ZNF786: variants seen among roughly 807,000 people sequenced by gnomAD.
The protein encoded by ZNF786 is zinc finger protein 786.
Under a neutral mutation model 63.1 loss-of-function variants are expected in ZNF786, and 56 were observed. The observed-to-expected ratio is 0.89, with a 90% confidence interval of 0.72 to 1.11. The LOEUF (loss-of-function observed/expected upper bound fraction) is 1.11, where lower values mean the gene tolerates loss of function less well. Among genes scored for constraint, ZNF786 ranks in the 50% least tolerant of loss-of-function variants. ZNF786 has a pLI of 0.00. For missense variants in ZNF786, 1,213 were observed against 1,041.8 expected, an observed-to-expected ratio of 1.16 and a Z score of -2.26; for synonymous variants, 485 against 406.9, an observed-to-expected ratio of 1.19 and a Z score of -2.31.
In ZNF786 at chr7:149,071,971, G is replaced by C. The variant is rs753840443; in HGVS notation, c.801C>G (p.Pro267=). The C allele has an allele frequency of 6.2e-7, 1 of 1,612,418 alleles. No individual in the cohort carries two copies. The highest frequency in any genetic ancestry group is 8.5e-7 in the Non-Finnish European group (1 of 1,179,804). ...ACATTTCACCGTCAGCGTTCCGGAA[G>C]GGGCCCCTCCCCGTGTGGGCCGCCA... ...RHLAAHTGRG[P]FRNADGEMCF... is the part of the protein sequence containing the mutation. Residue 267 remains proline, a synonymous_variant, in exon 4 of 4, where the codon CCC becomes CCG. Transcript: ENST00000491431.
chr7:149,084,849 A>T (rs1222960202), intron 1 of ZNF786, among the ~76,000 whole-genome samples: 1 of 152,180 alleles, frequency 6.6e-6, no homozygotes, highest in Non-Finnish European at 1.5e-5. Flanking sequence ...TGGAGTCTTC[A>T]TCACGAAATC....
chr7:149,080,861 C>A (rs1302603180), intron 1 of ZNF786, 144 bp from the exon 2 acceptor site: 2 of 909,562 alleles, frequency 2.2e-6, no homozygotes, highest in African/African-American at 3.3e-5. Flanking sequence ...CTACTCCTTC[C>A]TCTACTCCAA....
At chr7:149,087,561 CT>C (rs1825758293) in intron 1 of ZNF786, among the ~76,000 whole-genome samples, 1 of 152,268 alleles carries the variant, frequency 6.6e-6, no homozygotes, top group East Asian at 1.9e-4. Context: ...GGGTGAGAAA[CT>C]TTGTACTATG....
At position 149,090,714 on chromosome 7, in the gene ZNF786, G is replaced by A. The variant is rs973641754; in HGVS notation, c.-74C>T. On this transcript the variant is annotated 5_prime_UTR_variant, in exon 1 of 4. Transcript: ENST00000491431. ...GCTCCGCAGGAACCTGCCCTGCTGCGCACTGACTCCCCTCCGCTCCGCCCC... is the reference window on the plus strand; with the variant it reads ...GCTCCGCAGGAACCTGCCCTGCTGCACACTGACTCCCCTCCGCTCCGCCCC... 7.4e-6 allele frequency: 11 copies of A among 1,487,232 alleles called. No homozygotes were observed. The highest frequency in any genetic ancestry group is 2.7e-5 in the East Asian group (1 of 37,458). 92.1% of individuals were successfully genotyped at this position (1,487,232 alleles called of 1,614,324 possible). A position where few individuals can be genotyped will look rare whatever the true frequency, so the allele number is the denominator to read the frequency against.
At chr7:149,080,550 T>A (rs779369827) in intron 2 of ZNF786, 41 bp downstream of exon 2, 1 of 1,518,566 alleles carries the variant, frequency 6.6e-7, no homozygotes, top group Non-Finnish European at 8.8e-7. Flanking sequence ...CCTTACAGGA[T>A]CCAGTTCCAT....
At chr7:149,082,752 T>C (rs1433046074) in intron 1 of ZNF786, among the ~76,000 whole-genome samples, 1 of 151,536 alleles carries the variant, frequency 6.6e-6, no homozygotes, top group Non-Finnish European at 1.5e-5. Context: ...GGCTAATTTT[T>C]TTGCATTTTT....
chr7:149,071,877 T>G lies in ZNF786; in HGVS notation c.895A>C (p.Thr299Pro). ...GGGAGGGAGCGCTTGCCGCATGGGG[T>G]GCACTGGGCAGGCTTCTCCCCCTGC... Reference protein sequence around the residue: ...PQQGEKPAQCTPCGKRSLPVD... With the variant: ...PQQGEKPAQCPPCGKRSLPVD... Residue 299 changes from threonine (T) to proline (P), a missense_variant, in exon 4 of 4, where the codon ACC becomes CCC. Transcript: ENST00000491431. The G allele has an allele frequency of 6.2e-7, 1 of 1,601,130 alleles. No homozygotes were observed. Among genetic ancestry groups the G allele is most frequent in the Non-Finnish European group, 8.5e-7 (1 of 1,176,036 alleles).
intron 2 of ZNF786, among the ~76,000 whole-genome samples, chr7:149,076,510 C>T (rs1239202472): frequency 6.6e-6 from 1 of 150,656 alleles, no homozygotes; most frequent in Non-Finnish European, 1.5e-5. Context: ...GGGAGGATGA[C>T]GAGGTCAGGA....
chr7:149,080,568 C>T, intron 2 of ZNF786, 23 bp downstream of exon 2: 1 of 1,561,192 alleles, frequency 6.4e-7, no homozygotes, highest in Non-Finnish European at 8.6e-7. Flanking sequence ...CATGACCTAC[C>T]CACAAAGGTG....
chr7:149,086,645 CACACAT>C (rs1289265180), intron 1 of ZNF786, among the ~76,000 whole-genome samples: 8 of 151,176 alleles, frequency 5.3e-5, no homozygotes, highest in Admixed American at 1.3e-4. Context: ...CACACACACA[CACACAT>C]ACACACAAAA....
rs371831859 is a variant in ZNF786, at chr7:149,070,916, C to A, written c.1856G>T (p.Arg619Met). Residue 619 changes from arginine (R) to methionine (M), a missense_variant, in exon 4 of 4, where the codon AGG becomes ATG. By Grantham distance (91) the Arg-to-Met change is moderately conservative. Coordinates refer to ENST00000491431, the MANE Select transcript of ZNF786 (RefSeq NM_152411.4). ...LSHQRLHTGE[R>M]PFQCPECDKR... is the part of the protein sequence containing the mutation. ...GTCGCACTCCGGACACTGGAAGGGC[C>A]TCTCTCCCGTGTGCAGGCGCTGATG... The A allele has an allele frequency of 3.7e-6, 6 of 1,613,302 alleles. No individual in the cohort carries two copies. The African/African-American group carries it at 6.7e-5, about 18-fold the overall frequency.
rs1391221576 is a variant in ZNF786 at position 149,071,638 on chromosome 7, G to A, written c.1134C>T (p.Ser378=). The A allele has an allele frequency of 1.3e-6, 2 of 1,579,006 alleles. No individual in the cohort carries two copies. Among genetic ancestry groups the A allele is most frequent in the East Asian group, 2.3e-5 (1 of 43,254 alleles). ...GGCTGGCGAGCCTGGCGCTCATAGG[G>A]GAGCGCTCGCCACACTCCGAGCAGG... The part of the protein sequence containing the change: ...PCSCSECGER[S]PMSARLASPC... Residue 378 remains serine, a synonymous_variant, in exon 4 of 4, where the codon TCC becomes TCT. Coordinates refer to ENST00000491431, the MANE Select transcript of ZNF786 (RefSeq NM_152411.4).
chr7:149,086,579 T>C (rs1825741148), intron 1 of ZNF786, among the ~76,000 whole-genome samples: 1 of 151,814 alleles, frequency 6.6e-6, no homozygotes, highest in Non-Finnish European at 1.5e-5. Flanking sequence ...AGTGAGCCAG[T>C]ATCACACCAT....
At chr7:149,083,756 C>CA (rs1491130720) in intron 1 of ZNF786, among the ~76,000 whole-genome samples, 2 of 152,164 alleles carry the variant, frequency 1.3e-5, no homozygotes, top group Non-Finnish European at 2.9e-5. Context: ...CATATATACT[C>CA]AGTGTTTAGC....
Position 149,071,537 on chromosome 7 carries a change from AGCAGGCGGC to A in ZNF786, c.1226_1234del (p.Arg409_Leu411del), listed in dbSNP as rs747933420. 4.3e-6 allele frequency: 7 copies of A among 1,613,212 alleles called. No individual in the cohort carries two copies. Among genetic ancestry groups the A allele is most frequent in the Non-Finnish European group, 8.5e-7 (1 of 1,179,874 alleles). Reference sequence around the variant, plus strand: ...ACCGTGCGCGTGCTGGTGGACCTGCAGCAGGCGGCGCAGGCGGAAGCGCTTGGTGCAATG... The same window carrying A: ...ACCGTGCGCGTGCTGGTGGACCTGCAGCAGGCGGAAGCGCTTGGTGCAATG... On this transcript the variant is annotated inframe_deletion, in exon 4 of 4. Transcript: ENST00000491431.
intron 2 of ZNF786, among the ~76,000 whole-genome samples, chr7:149,075,910 A>C (rs1479023296): frequency 6.6e-6 from 1 of 151,036 alleles, no homozygotes; most frequent in Non-Finnish European, 1.5e-5. Context: ...ATATCCTCCT[A>C]CCTCAGCCTC....
intron 2 of ZNF786, 140 bp from the exon 3 acceptor site, chr7:149,074,678 G>T (rs201818996): frequency 1.0e-6 from 1 of 983,662 alleles, no homozygotes; most frequent in Non-Finnish European, 1.4e-6. Context: ...ACACAAAGAT[G>T]AAAAAACCGC....
rs770416534 is a variant in ZNF786 at position 149,071,999 on chromosome 7, T to TGGC, written c.770_772dup (p.Arg257dup). 6.2e-7 allele frequency: 1 copy of TGGC among 1,612,790 alleles called. No individual in the cohort carries two copies. The highest frequency in any genetic ancestry group is 8.5e-7 in the Non-Finnish European group (1 of 1,179,830). ...GCCCCTCCCCGTGTGGGCCGCCAGA[T>TGGC]GGCGCAGCAGACACAGCTTCCGGCG... On this transcript the variant is annotated inframe_insertion, in exon 4 of 4. Transcript: ENST00000491431.
At chr7:149,075,634 T>C (rs1210617633) in intron 2 of ZNF786, among the ~76,000 whole-genome samples, 1 of 148,086 alleles carries the variant, frequency 6.8e-6, no homozygotes, top group Admixed American at 6.8e-5. Flanking sequence ...TGTCAAATCC[T>C]ACTGTGCTGA....
Sources: allele counts gnomAD v4.1 joint callset (sites outside exome capture counted in the v4.1 genomes callset), GRCh38; gene constraint gnomAD v4.1.1; transcripts MANE v1.5; gene names NCBI Gene and HGNC (gene_info 2026-07-23, HGNC 2026-07-21).